The following SGCZ variants were observed in gnomAD, a reference collection of about 807,000 sequenced individuals.
SGCZ encodes sarcoglycan zeta.
Under a neutral mutation model 41.3 loss-of-function variants are expected in SGCZ, and 40 were observed. That is an observed-to-expected ratio of 0.97 (90% CI 0.75 to 1.26). The LOEUF (loss-of-function observed/expected upper bound fraction) is 1.26. SGCZ is among the 50% of genes most tolerant of loss of function. The pLI is 0.00. For synonymous variants in SGCZ, 206 were observed against 137.5 expected (o/e 1.50, Z -3.49); for missense variants, 552 against 369.8 (o/e 1.49, Z -4.04).
intron 1 of SGCZ, among the ~76,000 whole-genome samples, chr8:14,973,177 G>C (rs1192126966): frequency 6.6e-6 from 1 of 152,056 alleles, no homozygotes; most frequent in Non-Finnish European, 1.5e-5. Context: ...CTTTTAAAAA[G>C]TCTCTTGACA....
At chr8:14,993,689 T>A (rs576073547) in intron 1 of SGCZ, among the ~76,000 whole-genome samples, 5 of 151,798 alleles carry the variant, frequency 3.3e-5, no homozygotes, top group Non-Finnish European at 7.4e-5. Context: ...AGTCCTGAGG[T>A]AGAGATTGTG....
chr8:14,439,957 A>G (rs1430322078), intron 2 of SGCZ, among the ~76,000 whole-genome samples: 1 of 151,916 alleles, frequency 6.6e-6, no homozygotes, highest in Non-Finnish European at 1.5e-5. Flanking sequence ...TGGTTCACGG[A>G]CTTCTTGAGA....
chr8:14,367,742 C>T (rs1012211190), intron 2 of SGCZ, among the ~76,000 whole-genome samples: 2 of 152,092 alleles, frequency 1.3e-5, no homozygotes, highest in Non-Finnish European at 2.9e-5. Context: ...CCCCCATAAA[C>T]CAGTCAGTTA....
At chr8:14,542,264 T>C (rs555715353) in intron 2 of SGCZ, among the ~76,000 whole-genome samples, 52 of 151,866 alleles carry the variant, frequency 3.4e-4, no homozygotes, top group Non-Finnish European at 4.0e-4. Context: ...TATAGTTTTC[T>C]TTCTAATATC....
In SGCZ at chr8:14,088,116, T is replaced by G. The variant is rs371774344; in HGVS notation, c.*2327A>C. ...TCCTCTTATGACATATAATTTAAAA[T>G]TTCATTTTTCTCTTTTGCCTTTTGT... On this transcript the variant is annotated 3_prime_UTR_variant, in exon 8 of 8. Transcript: ENST00000382080. 1.3e-5 allele frequency among the ~76,000 whole-genome samples: 2 copies of G among 151,760 alleles called. No individual in the cohort carries two copies. The highest frequency in any genetic ancestry group is 2.9e-5 in the Non-Finnish European group (2 of 67,806).
chr8:15,081,521 C>T (rs1427358110), intron 1 of SGCZ, among the ~76,000 whole-genome samples: 1 of 146,268 alleles, frequency 6.8e-6, no homozygotes, highest in African/African-American at 2.6e-5. Flanking sequence ...CTCAATAAAG[C>T]ATGAGAAAGA....
At chr8:14,241,382 T>C (rs1367080995) in intron 3 of SGCZ, among the ~76,000 whole-genome samples, 2 of 149,944 alleles carry the variant, frequency 1.3e-5, no homozygotes, top group Non-Finnish European at 3.0e-5. Flanking sequence ...GTTAATATAT[T>C]GCATGATACA....
At chr8:14,832,931 A>G (rs1802581347) in intron 1 of SGCZ, among the ~76,000 whole-genome samples, 1 of 152,170 alleles carries the variant, frequency 6.6e-6, no homozygotes. Context: ...TCTTGCATAT[A>G]TTCATAATTC....
At chr8:14,659,469 C>T (rs184118003) in intron 1 of SGCZ, among the ~76,000 whole-genome samples, 8 of 152,180 alleles carry the variant, frequency 5.3e-5, no homozygotes, top group Admixed American at 2.0e-4. Context: ...TACAACAACA[C>T]GATCTGTAAA....
chr8:15,071,380 G>A (rs924752758), intron 1 of SGCZ, among the ~76,000 whole-genome samples: 22 of 152,186 alleles, frequency 1.4e-4, no homozygotes, highest in Admixed American at 1.0e-3. Context: ...TCATAAGAAA[G>A]GAGCAAGACT....
chr8:15,107,760 T>C (rs527401593), intron 1 of SGCZ, among the ~76,000 whole-genome samples: 14 of 152,196 alleles, frequency 9.2e-5, no homozygotes, highest in Middle Eastern at 3.2e-3. Context: ...TGTAGAGAGT[T>C]CACTTCTGAA....
At chr8:14,431,867 A>C (rs1799951577) in intron 2 of SGCZ, among the ~76,000 whole-genome samples, 1 of 152,228 alleles carries the variant, frequency 6.6e-6, no homozygotes, top group Non-Finnish European at 1.5e-5. Context: ...AAGTGGGCTA[A>C]GGATATGAAT....
intron 2 of SGCZ, among the ~76,000 whole-genome samples, chr8:14,365,819 A>G (rs1803686451): frequency 6.6e-6 from 1 of 152,128 alleles, no homozygotes; most frequent in Admixed American, 6.6e-5. Flanking sequence ...AAGGCTGTTA[A>G]TAAAATCATA....
intron 4 of SGCZ, among the ~76,000 whole-genome samples, chr8:14,208,769 A>G (rs1805700664): frequency 6.6e-6 from 1 of 152,208 alleles, no homozygotes; most frequent in South Asian, 2.1e-4. Context: ...TCTGAAGGAA[A>G]TAATCTTATA....
At chr8:15,112,096 T>C (rs982363922) in intron 1 of SGCZ, among the ~76,000 whole-genome samples, 3 of 152,228 alleles carry the variant, frequency 2.0e-5, no homozygotes, top group African/African-American at 7.2e-5. Context: ...AGATTAGGTT[T>C]GAGCATTTCA....
intron 3 of SGCZ, among the ~76,000 whole-genome samples, chr8:14,286,625 C>G (rs1344280441): frequency 1.3e-5 from 2 of 152,086 alleles, no homozygotes; most frequent in East Asian, 1.9e-4. Flanking sequence ...TAAAAATTAA[C>G]TGATCATTTT....
intron 1 of SGCZ, among the ~76,000 whole-genome samples, chr8:15,187,457 G>A (rs1345265735): frequency 6.6e-6 from 1 of 151,902 alleles, no homozygotes; most frequent in African/African-American, 2.4e-5. Context: ...CCAGACAAAT[G>A]GTTATAATAC....
At chr8:14,588,656 C>G (rs1212626561) in intron 1 of SGCZ, among the ~76,000 whole-genome samples, 6 of 151,848 alleles carry the variant, frequency 4.0e-5, no homozygotes, top group Admixed American at 1.3e-4. Flanking sequence ...GAAATAAAAA[C>G]GTTAGGAAGG....
At chr8:14,531,689 CT>C (rs1803138159) in intron 2 of SGCZ, among the ~76,000 whole-genome samples, 1 of 152,054 alleles carries the variant, frequency 6.6e-6, no homozygotes, top group Admixed American at 6.6e-5. Context: ...ATTCTTCTCT[CT>C]TTTTTTCTAC....
Sources: allele counts gnomAD v4.1 joint callset (sites outside exome capture counted in the v4.1 genomes callset), GRCh38; gene constraint gnomAD v4.1.1; transcripts MANE v1.5; gene names NCBI Gene and HGNC (gene_info 2026-07-23, HGNC 2026-07-21).